GHR: variants seen among roughly 807,000 people sequenced by gnomAD.
GHR encodes the protein growth hormone receptor, also known as GH receptor.
In GHR, 35 loss-of-function variants were observed where a neutral mutation model predicts 67.1. That is an observed-to-expected ratio of 0.52 (90% CI 0.40 to 0.69). GHR has a LOEUF of 0.69. Ranked by LOEUF, GHR falls within the 30% of genes least tolerant of loss-of-function variation. The pLI is 0.00. For missense variants in GHR, 792 were observed against 764.6 expected, an observed-to-expected ratio of 1.04 and a Z score of -0.42; for synonymous variants, 272 against 269.1, an observed-to-expected ratio of 1.01 and a Z score of -0.10.
intron 7 of GHR, among the ~76,000 whole-genome samples, chr5:42,712,145 G>A (rs1222019238): frequency 6.6e-6 from 1 of 152,032 alleles, no homozygotes; most frequent in Non-Finnish European, 1.5e-5. Flanking sequence ...CTATATGTTT[G>A]TTAATGAAAC....
chr5:42,605,559 G>T (rs373997298), intron 2 of GHR, among the ~76,000 whole-genome samples: 2 of 152,122 alleles, frequency 1.3e-5, no homozygotes, highest in Non-Finnish European at 2.9e-5. Context: ...TAGATGAGTG[G>T]TCCATCTTCC....
rs184708512 is a variant in GHR at position 42,685,912 on chromosome 5, G to A, written c.137-2978G>A. On this transcript the variant is annotated intron_variant, in intron 3 of 9. Transcript: ENST00000230882. ...AGGTTGCCTGTTCACTCTGCTGGTAGTTTCTTTTGCTGTGCAGAAGCTCTT... is the reference window on the plus strand; with the variant it reads ...AGGTTGCCTGTTCACTCTGCTGGTAATTTCTTTTGCTGTGCAGAAGCTCTT... 2.6e-3 allele frequency among the ~76,000 whole-genome samples: 398 copies of A among 152,252 alleles called. 1 individual carries two copies. Among genetic ancestry groups the A allele is most frequent in the Middle Eastern group, 0.01 (3 of 294 alleles).
chr5:42,702,025 A>G (rs1455295419), intron 6 of GHR, among the ~76,000 whole-genome samples: 7 of 152,176 alleles, frequency 4.6e-5, no homozygotes, highest in Non-Finnish European at 1.5e-5. Flanking sequence ...ACACTAAGTA[A>G]CATATGCATT....
intron 2 of GHR, among the ~76,000 whole-genome samples, chr5:42,606,394 G>A (rs1752631708): frequency 6.6e-6 from 1 of 152,188 alleles, no homozygotes; most frequent in African/African-American, 2.4e-5. Flanking sequence ...TGTACAGGAA[G>A]CATGATGCTA....
intron 3 of GHR, among the ~76,000 whole-genome samples, chr5:42,665,851 A>C (rs190304353): frequency 1.2e-4 from 18 of 152,296 alleles, no homozygotes; most frequent in Admixed American, 2.0e-4. Flanking sequence ...GAGCAAAAGC[A>C]TGTCTTGCAT....
intron 1 of GHR, among the ~76,000 whole-genome samples, chr5:42,446,991 C>T (rs1046716985): frequency 1.2e-4 from 18 of 152,104 alleles, no homozygotes; most frequent in African/African-American, 4.1e-4. Flanking sequence ...GAGATTGACA[C>T]GAATAGAGTT....
chr5:42,477,499 A>G (rs1745391205), intron 1 of GHR, among the ~76,000 whole-genome samples: 1 of 152,182 alleles, frequency 6.6e-6, no homozygotes, highest in Admixed American at 6.5e-5. Flanking sequence ...AGTCCCACCA[A>G]CAGTGTAAAA....
intron 3 of GHR, among the ~76,000 whole-genome samples, chr5:42,636,498 A>G (rs191934533): frequency 1.3e-5 from 2 of 152,222 alleles, no homozygotes; most frequent in Admixed American, 1.3e-4. Context: ...CTTGTAGCCC[A>G]CTGATTTGCT....
At chr5:42,579,391 G>A (rs916017964) in intron 2 of GHR, among the ~76,000 whole-genome samples, 8 of 152,120 alleles carry the variant, frequency 5.3e-5, no homozygotes, top group Non-Finnish European at 7.4e-5. Flanking sequence ...AAACGTTGCA[G>A]CATTTTCTTC....
At chr5:42,605,198 G>A (rs114962381) in intron 2 of GHR, among the ~76,000 whole-genome samples, 136 of 148,326 alleles carry the variant, frequency 9.2e-4, no homozygotes, top group African/African-American at 3.4e-3. Flanking sequence ...CCGGGTTCAA[G>A]TGATTCCCCT....
intron 1 of GHR, among the ~76,000 whole-genome samples, chr5:42,516,501 G>A (rs990891601): frequency 6.6e-6 from 1 of 152,102 alleles, no homozygotes; most frequent in Non-Finnish European, 1.5e-5. Context: ...TGATTGCTGA[G>A]CTGCTTCTTA....
chr5:42,423,489 C>T lies in GHR; in HGVS notation c.-478C>T, dbSNP rs1742701494. ...CAGCTCCTCGCCGGGAAGACTTCATCCCAGCAACTCGGAATGCTTGGCCCG... is the reference window on the plus strand; with the variant it reads ...CAGCTCCTCGCCGGGAAGACTTCATTCCAGCAACTCGGAATGCTTGGCCCG... On this transcript the variant is annotated 5_prime_UTR_variant, in exon 1 of 10. Coordinates refer to ENST00000230882, the MANE Select transcript of GHR (RefSeq NM_000163.5). 6.6e-6 allele frequency among the ~76,000 whole-genome samples: 1 copy of T among 152,206 alleles called. No individual in the cohort carries two copies. The highest frequency in any genetic ancestry group is 6.5e-5 in the Admixed American group (1 of 15,288).
At chr5:42,462,913 A>G (rs1394288733) in intron 1 of GHR, among the ~76,000 whole-genome samples, 2 of 152,156 alleles carry the variant, frequency 1.3e-5, no homozygotes, top group Admixed American at 1.3e-4. Context: ...ACTAGCATAC[A>G]ATGTAACTTA....
intron 6 of GHR, among the ~76,000 whole-genome samples, chr5:42,702,340 C>A (rs1757970668): frequency 6.6e-6 from 1 of 152,042 alleles, no homozygotes; most frequent in South Asian, 2.1e-4. Context: ...AATATAATAT[C>A]CTCCAGGTTC....
At chr5:42,443,360 A>T (rs866447505) in intron 1 of GHR, among the ~76,000 whole-genome samples, 21 of 152,328 alleles carry the variant, frequency 1.4e-4, no homozygotes, top group African/African-American at 4.8e-4. Context: ...AGACCATTGT[A>T]TAGTTCATTT....
intron 1 of GHR, among the ~76,000 whole-genome samples, chr5:42,432,858 T>A (rs1179062528): frequency 4.6e-5 from 7 of 152,266 alleles, no homozygotes; most frequent in Non-Finnish European, 8.8e-5. Context: ...AAGCCATGCT[T>A]TTCTTTGCCA....
chr5:42,639,889 A>G (rs1353366625), intron 3 of GHR, among the ~76,000 whole-genome samples: 1 of 152,152 alleles, frequency 6.6e-6, no homozygotes, highest in Non-Finnish European at 1.5e-5. Context: ...AGCTTAAATA[A>G]TGTTTATTAG....
At chr5:42,505,134 T>TTTTTC (rs1554013911) in intron 1 of GHR, among the ~76,000 whole-genome samples, 1 of 151,512 alleles carries the variant, frequency 6.6e-6, no homozygotes, top group Admixed American at 6.6e-5. Context: ...TTTTTTTTTT[T>TTTTTC]TTTCTTTCTT....
chr5:42,579,140 T>TATA (rs373298354), intron 2 of GHR, among the ~76,000 whole-genome samples: 5 of 59,924 alleles, frequency 8.3e-5, no homozygotes, highest in South Asian at 4.7e-4. Flanking sequence ...GATAGATAGA[T>TATA]GATAGATAGA....
Sources: allele counts gnomAD v4.1 joint callset (sites outside exome capture counted in the v4.1 genomes callset), GRCh38; gene constraint gnomAD v4.1.1; transcripts MANE v1.5; gene names NCBI Gene and HGNC (gene_info 2026-07-23, HGNC 2026-07-21).